Variants in LRP1B observed in about 807,000 individuals in gnomAD.
LRP1B encodes LDL receptor related protein 1B, also known as low-density lipoprotein receptor-related protein 1B.
LRP1B carries 217 observed loss-of-function variants against 556.6 expected under a neutral mutation model. The ratio of observed to expected loss-of-function variants is 0.39; its 90% confidence interval spans 0.35 to 0.44. The LOEUF (loss-of-function observed/expected upper bound fraction) is 0.44, where lower values mean the gene tolerates loss of function less well. Ranked by LOEUF, LRP1B falls within the 20% of genes least tolerant of loss-of-function variation. LRP1B has a pLI of 1.00. For missense variants in LRP1B, 5,053 were observed against 5,620.8 expected, an observed-to-expected ratio of 0.90 and a Z score of 3.23; for synonymous variants, 2,047 against 1,865.8, an observed-to-expected ratio of 1.10 and a Z score of -2.50.
chr2:140,702,315 C>T (rs752800133), intron 38 of LRP1B, 23 bp from the exon 39 acceptor site: 45 of 1,611,252 alleles, frequency 2.8e-5, no homozygotes, highest in Admixed American at 1.7e-4. Context: ...TAAGAAGTAA[C>T]GTTACAGACT....
intron 2 of LRP1B, among the ~76,000 whole-genome samples, chr2:141,514,736 T>A (rs1374541430): frequency 6.6e-6 from 1 of 152,238 alleles, no homozygotes; most frequent in Non-Finnish European, 1.5e-5. Context: ...AAACATGTTA[T>A]GAACACTTAC....
chr2:140,393,410 T>C (rs1684111575), intron 66 of LRP1B, among the ~76,000 whole-genome samples: 1 of 152,068 alleles, frequency 6.6e-6, no homozygotes, highest in African/African-American at 2.4e-5. Context: ...TTTATTCAGC[T>C]GACCAGAAAA....
At chr2:141,854,834 C>T (rs1697992728) in intron 1 of LRP1B, among the ~76,000 whole-genome samples, 1 of 151,746 alleles carries the variant, frequency 6.6e-6, no homozygotes, top group East Asian at 1.9e-4. Flanking sequence ...TTATCTGTAC[C>T]TATTATTTTC....
At chr2:140,887,649 G>T (rs1313238263) in intron 23 of LRP1B, among the ~76,000 whole-genome samples, 1 of 152,030 alleles carries the variant, frequency 6.6e-6, no homozygotes, top group Admixed American at 6.6e-5. Flanking sequence ...ACCAAAAATG[G>T]ATATAATTCA....
chr2:142,130,017 G>T lies in LRP1B; in HGVS notation c.82+631C>A, dbSNP rs530079830. On this transcript the variant is annotated intron_variant, in intron 1 of 90. Coordinates refer to ENST00000389484, the MANE Select transcript of LRP1B (RefSeq NM_018557.3). ...TCCAGGGGTGGGTTAGCCCCTCAGA[G>T]CACCTGGGCTGTGTCACAGACCCTC... Among the ~76,000 whole-genome samples, 12 of 152,236 alleles carry T rather than the reference G, an allele frequency of 7.9e-5. No homozygotes were observed. In the South Asian group the frequency reaches 2.5e-3, roughly 32 times the overall value.
At chr2:142,043,789 C>T (rs113675668) in intron 1 of LRP1B, among the ~76,000 whole-genome samples, 59 of 151,574 alleles carry the variant, frequency 3.9e-4, no homozygotes, top group African/African-American at 1.3e-3. Context: ...TATTGACATT[C>T]GACTGAACAG....
At chr2:141,154,282 C>A (rs769747696) in intron 7 of LRP1B, among the ~76,000 whole-genome samples, 5 of 151,876 alleles carry the variant, frequency 3.3e-5, no homozygotes, top group Non-Finnish European at 5.9e-5. Flanking sequence ...CAGAAATCAT[C>A]TTTTGAAATT....
At chr2:140,925,602 G>A (rs1476488067) in intron 20 of LRP1B, among the ~76,000 whole-genome samples, 3 of 152,054 alleles carry the variant, frequency 2.0e-5, no homozygotes. Context: ...ATTTAATAAA[G>A]AATGGAAGGT....
chr2:140,304,554 A>T (rs772668873), intron 83 of LRP1B, among the ~76,000 whole-genome samples: 3 of 152,156 alleles, frequency 2.0e-5, no homozygotes, highest in Non-Finnish European at 4.4e-5. Context: ...TGTGGATTGT[A>T]GCACTTTGTC....
intron 24 of LRP1B, among the ~76,000 whole-genome samples, chr2:140,885,469 G>A (rs1198761821): frequency 2.0e-5 from 3 of 151,120 alleles, no homozygotes; most frequent in African/African-American, 7.3e-5. Flanking sequence ...TCCTACCTCA[G>A]CCTCCCGAGC....
intron 1 of LRP1B, among the ~76,000 whole-genome samples, chr2:141,899,703 T>C (rs773317704): frequency 2.6e-4 from 39 of 152,112 alleles, no homozygotes; most frequent in Non-Finnish European, 5.9e-5. Flanking sequence ...GTTTTTGTCT[T>C]TGGAAAATCA....
chr2:140,578,588 A>C (rs1376892123), intron 43 of LRP1B, among the ~76,000 whole-genome samples: 1 of 152,008 alleles, frequency 6.6e-6, no homozygotes, highest in East Asian at 1.9e-4. Context: ...TAACTCCCTC[A>C]CTTTCTTCAA....
At chr2:140,969,771 C>T (rs1037752860) in intron 18 of LRP1B, among the ~76,000 whole-genome samples, 6 of 152,078 alleles carry the variant, frequency 3.9e-5, no homozygotes, top group Non-Finnish European at 8.8e-5. Context: ...TTTTATTTCT[C>T]CTTCACTTAT....
chr2:140,282,919 A>C (rs1682975584), intron 84 of LRP1B, among the ~76,000 whole-genome samples: 1 of 151,828 alleles, frequency 6.6e-6, no homozygotes, highest in Non-Finnish European at 1.5e-5. Context: ...AGCAAATAAG[A>C]AACCAAAATA....
At chr2:141,330,556 T>C (rs1269089729) in intron 3 of LRP1B, among the ~76,000 whole-genome samples, 1 of 152,192 alleles carries the variant, frequency 6.6e-6, no homozygotes, top group Non-Finnish European at 1.5e-5. Flanking sequence ...TCTTGTTCTT[T>C]TCCTAACTCC....
chr2:140,453,807 A>C (rs1686975941), intron 62 of LRP1B, among the ~76,000 whole-genome samples: 1 of 152,184 alleles, frequency 6.6e-6, no homozygotes, highest in South Asian at 2.1e-4. Context: ...TGTTTCTAAA[A>C]TAATACTATT....
At chr2:142,055,030 C>A (rs1056035531) in intron 1 of LRP1B, among the ~76,000 whole-genome samples, 1 of 152,088 alleles carries the variant, frequency 6.6e-6, no homozygotes, top group Admixed American at 6.6e-5. Context: ...TCATTCATTC[C>A]GTCTTTGCCT....
chr2:140,487,195 T>A (rs1688505821), intron 58 of LRP1B, among the ~76,000 whole-genome samples: 1 of 151,918 alleles, frequency 6.6e-6, no homozygotes, highest in South Asian at 2.1e-4. Flanking sequence ...TATTTACAAC[T>A]GTAATTGTTC....
chr2:140,750,637 T>A (rs1688543575), intron 35 of LRP1B, among the ~76,000 whole-genome samples: 1 of 152,168 alleles, frequency 6.6e-6, no homozygotes, highest in Admixed American at 6.6e-5. Flanking sequence ...GTTGAGAAAC[T>A]TAAGTCCACA....
Sources: gnomAD v4.1 joint callset for allele counts (sites outside exome capture counted in the v4.1 genomes callset) on GRCh38, gnomAD v4.1.1 for gene constraint, MANE v1.5 for transcripts, NCBI Gene and HGNC (gene_info 2026-07-23, HGNC 2026-07-21) for gene names.